The following SPAG17 variants were observed in gnomAD, a reference collection of about 807,000 sequenced individuals.
SPAG17 encodes the protein sperm associated antigen 17.
In SPAG17, 169 loss-of-function variants were observed where a neutral mutation model predicts 273.6. The ratio of observed to expected loss-of-function variants is 0.62; its 90% CI spans 0.55 to 0.70. The LOEUF (loss-of-function observed/expected upper bound fraction) is 0.70. Among genes scored for constraint, SPAG17 ranks in the 30% least tolerant of loss-of-function variants. The pLI is 0.00. For missense variants in SPAG17, 2,557 were observed against 2,627.8 expected (o/e 0.97, Z 0.59); for synonymous variants, 825 against 873.2 (o/e 0.94, Z 0.97).
chr1:118,073,954 A>T lies in SPAG17; in HGVS notation c.2285T>A (p.Met762Lys). 1 of 1,557,984 alleles carries T rather than the reference A, an allele frequency of 6.4e-7. No individual in the cohort carries two copies. ...GTCCTCTAAATCTGCTTCCACCATC[A>T]TCTTCTTGGGTTTCTAAAATATCAT... ...ADSHEKKPKK[M>K]MVEADLEDIK... is the part of the protein sequence containing the mutation. The change falls in exon 17 of 49, where the codon ATG becomes AAG. Residue 762 changes from methionine (M) to lysine (K), a missense_variant. Coordinates refer to ENST00000336338, the MANE Select transcript of SPAG17 (RefSeq NM_206996.4).
chr1:118,091,264 G>A (rs1302027747), intron 10 of SPAG17, among the ~76,000 whole-genome samples: 1 of 152,096 alleles, frequency 6.6e-6, no homozygotes, highest in African/African-American at 2.4e-5. Flanking sequence ...AAGCATGAAA[G>A]AAATTTTAAA....
intron 17 of SPAG17, among the ~76,000 whole-genome samples, chr1:118,067,231 C>T (rs10802005): frequency 0.58 from 88,894 of 151,994 alleles, 26,434 homozygotes; most frequent in African/African-American, 0.68. Flanking sequence ...TTGATATAGA[C>T]CATCTAATTT....
rs982953491 is a variant in SPAG17, at chr1:118,004,220, G to A, written c.4776+1194C>T. 7.2e-5 allele frequency among the ~76,000 whole-genome samples: 11 copies of A among 152,186 alleles called. No individual in the cohort carries two copies. The East Asian group carries it at 1.9e-3, about 27-fold the overall frequency. On this transcript the variant is annotated intron_variant, in intron 32 of 48. Coordinates refer to ENST00000336338, the MANE Select transcript of SPAG17 (RefSeq NM_206996.4). Reference sequence around the variant, plus strand: ...AGAGGGGCACCTGCCTATATGAGGTGTCTGTTGGCCCCTACTGGGAGGTGT... The same window carrying A: ...AGAGGGGCACCTGCCTATATGAGGTATCTGTTGGCCCCTACTGGGAGGTGT...
chr1:118,050,759 A>T (rs187385401), intron 20 of SPAG17, among the ~76,000 whole-genome samples: 143 of 152,328 alleles, frequency 9.4e-4, no homozygotes, highest in African/African-American at 3.3e-3. Flanking sequence ...TTAAAGACTT[A>T]AATGTACGTC....
chr1:118,031,349 C>A (rs1446728940), intron 25 of SPAG17, among the ~76,000 whole-genome samples: 1 of 151,744 alleles, frequency 6.6e-6, no homozygotes, highest in African/African-American at 2.4e-5. Context: ...CACAGTGGAG[C>A]TAAACAAAGT....
chr1:118,137,001 G>A (rs1658404363), intron 3 of SPAG17, among the ~76,000 whole-genome samples: 1 of 152,106 alleles, frequency 6.6e-6, no homozygotes, highest in South Asian at 2.1e-4. Flanking sequence ...GAAATTTGCT[G>A]TCATTCCTCA....
At chr1:118,119,449 G>A (rs1014814227) in intron 3 of SPAG17, among the ~76,000 whole-genome samples, 1 of 152,158 alleles carries the variant, frequency 6.6e-6, no homozygotes, top group African/African-American at 2.4e-5. Flanking sequence ...GCCTGGGAGA[G>A]CACTTTCCCT....
chr1:118,031,026 C>T (rs745657691), intron 25 of SPAG17, among the ~76,000 whole-genome samples: 46 of 151,998 alleles, frequency 3.0e-4, no homozygotes, highest in Non-Finnish European at 6.2e-4. Flanking sequence ...CACTGTTTTC[C>T]ACAATGGTTG....
At position 118,012,326 on chromosome 1, in the gene SPAG17, T is replaced by C. The variant is rs1659561451; in HGVS notation, c.4334A>G (p.Asp1445Gly). The C allele has an allele frequency of 1.2e-6, 2 of 1,613,792 alleles. No individual in the cohort carries two copies. The highest frequency in any genetic ancestry group is 1.1e-5 in the South Asian group (1 of 91,054). ...EDKVVIVERK[D>G]GTRIVDHADG... ...AGCATGATCCACTATCCGAGTACCA[T>C]CTTTCCTTTCAACTATGACAACTTT... Residue 1445 changes from aspartate to glycine, a missense_variant, in exon 30 of 49, where the codon GAT becomes GGT. Physicochemically the swap from Asp to Gly is moderately conservative, Grantham distance 94. Coordinates refer to ENST00000336338, the MANE Select transcript of SPAG17 (RefSeq NM_206996.4).
chr1:118,181,498 A>G (rs943994071), intron 1 of SPAG17, among the ~76,000 whole-genome samples: 13 of 152,118 alleles, frequency 8.5e-5, no homozygotes, highest in Non-Finnish European at 1.9e-4. Context: ...AGAGCAGGGG[A>G]AGTTAAGCAA....
At chr1:118,076,096 T>C (rs1039061569) in intron 15 of SPAG17, among the ~76,000 whole-genome samples, 3 of 152,064 alleles carry the variant, frequency 2.0e-5, no homozygotes, top group Admixed American at 6.6e-5. Flanking sequence ...TATTTCCTTT[T>C]GATTGAATGA....
intron 4 of SPAG17, among the ~76,000 whole-genome samples, chr1:118,113,533 A>G (rs560036910): frequency 6.6e-6 from 1 of 152,218 alleles, no homozygotes; most frequent in African/African-American, 2.4e-5. Context: ...GTTTTCATCA[A>G]TTTATTTAGC....
Position 117,994,533 on chromosome 1 carries a change from G to C in SPAG17, c.5054-3C>G. On this transcript the variant is annotated splice_region_variant and splice_polypyrimidine_tract_variant and intron_variant, in intron 34 of 48. Transcript: ENST00000336338. The stretch of plus-strand genomic sequence containing the variant: ...AAGGACTGTGATGGTTAGGGTGCCT[G>C]GTTCAAAGAAAGTTGTCAGAAGACC... 1 of 1,602,416 alleles carries C rather than the reference G, an allele frequency of 6.2e-7. No homozygotes were observed. Among genetic ancestry groups the C allele is most frequent in the Non-Finnish European group, 8.5e-7 (1 of 1,175,840 alleles).
At chr1:118,104,935 A>G (rs1656296472) in intron 4 of SPAG17, among the ~76,000 whole-genome samples, 1 of 152,178 alleles carries the variant, frequency 6.6e-6, no homozygotes, top group South Asian at 2.1e-4. Flanking sequence ...TGTAAAGTCA[A>G]GAGATGTTAT....
chr1:118,072,099 G>T (rs568247997), intron 17 of SPAG17, among the ~76,000 whole-genome samples: 10 of 152,246 alleles, frequency 6.6e-5, no homozygotes, highest in African/African-American at 2.4e-4. Flanking sequence ...AACTGATTAG[G>T]AATCAGAATT....
At chr1:117,974,514 A>G (rs982940573) in intron 43 of SPAG17, among the ~76,000 whole-genome samples, 1 of 151,274 alleles carries the variant, frequency 6.6e-6, no homozygotes, top group Non-Finnish European at 1.5e-5. Context: ...TGAAAGATTT[A>G]TTAAAACTAA....
rs755483452 is a variant in SPAG17 at position 118,185,040 on chromosome 1, G to T, written c.87+31C>A. Reference sequence around the variant, plus strand: ...GGCCGGGCCTCTGGCATTGCCGGGGGCAGGGAGGGCTTAAAGGGCTCAAGG... The same window carrying T: ...GGCCGGGCCTCTGGCATTGCCGGGGTCAGGGAGGGCTTAAAGGGCTCAAGG... On this transcript the variant is annotated intron_variant, in intron 1 of 48. Transcript: ENST00000336338. 6 of 1,595,390 alleles carry T rather than the reference G, an allele frequency of 3.8e-6. No individual in the cohort carries two copies. In the African/African-American group the frequency reaches 6.7e-5, roughly 18 times the overall value.
chr1:118,063,335 T>C (rs529026744), intron 18 of SPAG17, among the ~76,000 whole-genome samples: 7 of 152,240 alleles, frequency 4.6e-5, no homozygotes, highest in Admixed American at 4.6e-4. Flanking sequence ...CTTCAAACTA[T>C]ACTACAAGGC....
At chr1:118,012,122 A>C in intron 30 of SPAG17, 106 bp downstream of exon 30, 1 of 1,185,544 alleles carries the variant, frequency 8.4e-7, no homozygotes, top group Non-Finnish European at 1.1e-6. Flanking sequence ...AACTTTACCA[A>C]AAAATTATTT....
Sources: allele counts gnomAD v4.1 joint callset (sites outside exome capture counted in the v4.1 genomes callset), GRCh38; gene constraint gnomAD v4.1.1; transcripts MANE v1.5; gene names NCBI Gene and HGNC (gene_info 2026-07-23, HGNC 2026-07-21).